Variants in LRRC28 observed in about 807,000 individuals in gnomAD.
LRRC28 encodes leucine rich repeat containing 28.
LRRC28 carries 39 observed loss-of-function variants against 45.7 expected under a neutral mutation model. The ratio of observed to expected loss-of-function variants is 0.85; its 90% CI spans 0.66 to 1.12. LRRC28 has a LOEUF of 1.12. LRRC28 is among the 50% of genes most tolerant of loss of function. The pLI, the probability that LRRC28 is intolerant of heterozygous loss-of-function variation, is 0.00. For synonymous variants in LRRC28, 206 were observed against 178.8 expected (o/e 1.15, Z -1.22); for missense variants, 435 against 438.5 (o/e 0.99, Z 0.07).
chr15:99,290,779 G>A (rs1475004955), intron 5 of LRRC28, among the ~76,000 whole-genome samples: 1 of 151,964 alleles, frequency 6.6e-6, no homozygotes, highest in Non-Finnish European at 1.5e-5. Context: ...AACATAGTGA[G>A]GCTTTGTCTC....
Position 99,317,051 on chromosome 15 carries a change from A to G in LRRC28, c.386-16872A>G, listed in dbSNP as rs189779070. 2.0e-5 allele frequency among the ~76,000 whole-genome samples: 3 copies of G among 151,456 alleles called. No individual in the cohort carries two copies. The East Asian group carries it at 5.8e-4, about 29-fold the overall frequency. ...GAAGGTTTTTTTTAAAGCACAGCCT[A>G]AAGTGATAATAGTCAGAGCCTCATA... On this transcript the variant is annotated intron_variant, in intron 5 of 9. Transcript: ENST00000301981.
intron 5 of LRRC28, among the ~76,000 whole-genome samples, chr15:99,290,429 G>A (rs1567631806): frequency 6.6e-6 from 1 of 151,866 alleles, no homozygotes; most frequent in Non-Finnish European, 1.5e-5. Flanking sequence ...ATATCATCAG[G>A]CCAATGGTGT....
chr15:99,348,112 TTTAA>T (rs1956754231), intron 6 of LRRC28, among the ~76,000 whole-genome samples: 2 of 152,218 alleles, frequency 1.3e-5, no homozygotes, highest in Admixed American at 1.3e-4. Context: ...TTGCCCATTA[TTTAA>T]TTGAGTTGTT....
intron 2 of LRRC28, chr15:99,259,514 G>T: frequency 8.5e-7 from 1 of 1,175,604 alleles, no homozygotes; most frequent in Non-Finnish European, 1.3e-6. Flanking sequence ...GATTGAAAAG[G>T]CTATGGTATC....
chr15:99,382,047 C>CA (rs756913155), intron 9 of LRRC28, among the ~76,000 whole-genome samples: 1 of 152,238 alleles, frequency 6.6e-6, no homozygotes, highest in Non-Finnish European at 1.5e-5. Flanking sequence ...ATCCACTACT[C>CA]ACTTCAAAGC....
intron 5 of LRRC28, among the ~76,000 whole-genome samples, chr15:99,320,394 C>T (rs191467480): frequency 2.0e-5 from 3 of 152,138 alleles, no homozygotes; most frequent in African/African-American, 7.2e-5. Context: ...CCTATACTGG[C>T]AGACCCTAAG....
intron 5 of LRRC28, among the ~76,000 whole-genome samples, chr15:99,319,234 A>G (rs1955707008): frequency 1.3e-5 from 2 of 152,160 alleles, no homozygotes; most frequent in Admixed American, 6.5e-5. Flanking sequence ...TAAAAACTCC[A>G]TTGTGCTAAC....
intron 5 of LRRC28, among the ~76,000 whole-genome samples, chr15:99,303,263 CTA>C (rs1339130154): frequency 6.6e-6 from 1 of 152,102 alleles, no homozygotes; most frequent in Non-Finnish European, 1.5e-5. Context: ...TTTCATGTGT[CTA>C]TTTGCCATCT....
intron 6 of LRRC28, among the ~76,000 whole-genome samples, chr15:99,340,396 C>G (rs1956469080): frequency 2.0e-5 from 3 of 152,214 alleles, no homozygotes; most frequent in Admixed American, 1.3e-4. Flanking sequence ...TTCCTACTTT[C>G]TCTGTATTTG....
chr15:99,386,294 G>T lies in LRRC28; in HGVS notation c.*192G>T. On this transcript the variant is annotated 3_prime_UTR_variant, in exon 10 of 10. Transcript: ENST00000301981. ...TGGAATATATCCTCCCCCAAATTAA[G>T]GACCCATTTGTCTTCTGTGTTTTTC... 1.9e-6 allele frequency: 1 copy of T among 520,086 alleles called. No homozygotes were observed. Among genetic ancestry groups the T allele is most frequent in the South Asian group, 3.3e-5 (1 of 29,900 alleles). 32.2% of individuals were successfully genotyped at this position (520,086 alleles called of 1,614,324 possible).
At chr15:99,260,885 A>G (rs974147119) in intron 2 of LRRC28, among the ~76,000 whole-genome samples, 3 of 152,138 alleles carry the variant, frequency 2.0e-5, no homozygotes, top group Non-Finnish European at 4.4e-5. Context: ...TCTGTCAGTC[A>G]CTTCCATTTT....
At chr15:99,334,268 C>G (rs1597369407) in intron 6 of LRRC28, 139 bp downstream of exon 6, 8 of 890,594 alleles carry the variant, frequency 9.0e-6, no homozygotes, top group Non-Finnish European at 1.4e-5. Flanking sequence ...TTGCAGTGAA[C>G]AAAGCGTCAT....
At chr15:99,297,227 T>A (rs529021355) in intron 5 of LRRC28, 2 of 152,130 alleles carry the variant, frequency 1.3e-5, no homozygotes, top group East Asian at 3.9e-4. Context: ...AAACTCGTAT[T>A]CAGAACATGT....
At chr15:99,281,530 A>T (rs2081791684) in intron 3 of LRRC28, among the ~76,000 whole-genome samples, 1 of 152,082 alleles carries the variant, frequency 6.6e-6, no homozygotes, top group Admixed American at 6.5e-5. Context: ...AGCTATTTTA[A>T]TGTCCTGTTT....
At chr15:99,348,958 GTT>G (rs910964436) in intron 6 of LRRC28, among the ~76,000 whole-genome samples, 1 of 151,732 alleles carries the variant, frequency 6.6e-6, no homozygotes, top group African/African-American at 2.4e-5. Context: ...TCTCCCATCA[GTT>G]TTTTATAGTT....
At chr15:99,341,381 C>T (rs1008946641) in intron 6 of LRRC28, among the ~76,000 whole-genome samples, 9 of 152,044 alleles carry the variant, frequency 5.9e-5, no homozygotes, top group South Asian at 2.1e-4. Context: ...CGTGAGCCAC[C>T]GCGCCCGGCC....
chr15:99,298,351 A>G (rs567513649), intron 5 of LRRC28, among the ~76,000 whole-genome samples: 31 of 152,320 alleles, frequency 2.0e-4, no homozygotes, highest in African/African-American at 7.5e-4. Flanking sequence ...TGTGGGGACT[A>G]AGCTGATGTG....
intron 3 of LRRC28, chr15:99,285,480 G>A: frequency 1.1e-6 from 1 of 925,494 alleles, no homozygotes. Flanking sequence ...ATTGCTCAGA[G>A]TGACTCCTCA....
intron 5 of LRRC28, among the ~76,000 whole-genome samples, chr15:99,329,926 TG>T (rs1349188067): frequency 6.6e-6 from 1 of 152,194 alleles, no homozygotes; most frequent in Non-Finnish European, 1.5e-5. Context: ...ATTATACCCA[TG>T]CACCTATGAT....
Sources: allele counts gnomAD v4.1 joint callset (sites outside exome capture counted in the v4.1 genomes callset), GRCh38; gene constraint gnomAD v4.1.1; transcripts MANE v1.5; gene names NCBI Gene and HGNC (gene_info 2026-07-23, HGNC 2026-07-21).